The following SNTG2 variants were observed in gnomAD, a reference collection of about 807,000 sequenced individuals.
SNTG2 encodes the protein syntrophin gamma 2, also known as gamma-2-syntrophin.
SNTG2 carries 74 observed loss-of-function variants against 70.9 expected under a neutral mutation model. That is an observed-to-expected ratio of 1.04 (90% CI 0.86 to 1.27). The LOEUF (loss-of-function observed/expected upper bound fraction) is 1.27. Among genes scored for constraint, SNTG2 ranks in the 50% most tolerant of loss-of-function variants. SNTG2 has a pLI of 0.00. For synonymous variants in SNTG2, 278 were observed against 273.8 expected (o/e 1.02, Z -0.15); for missense variants, 717 against 690.7 (o/e 1.04, Z -0.43).
rs542160735 is a variant in SNTG2 at position 1,257,578 on chromosome 2, G to A, written c.1006-1792G>A. Reference sequence around the variant, plus strand: ...CAACAAAGAGCACAGCCCCCTCCAAGCTTTGTCTTAGAACATGACTCAAAT... The same window carrying A: ...CAACAAAGAGCACAGCCCCCTCCAAACTTTGTCTTAGAACATGACTCAAAT... On this transcript the variant is annotated intron_variant, in intron 12 of 16. Transcript: ENST00000308624. Among the ~76,000 whole-genome samples the A allele has an allele frequency of 6.6e-5, 10 of 152,314 alleles. No individual in the cohort carries two copies. In the East Asian group the frequency reaches 1.9e-3, roughly 29 times the overall value.
rs12990610 is a variant in SNTG2, at chr2:1,012,763, A to G, written c.72+61695A>G. The stretch of plus-strand genomic sequence containing the variant: ...GACAGAGAGAAGGGTGGTCTGGAGA[A>G]GGATTTATATGGGCAGAGAGAAGGG... On this transcript the variant is annotated intron_variant, in intron 1 of 16. Transcript: ENST00000308624. Among the ~76,000 whole-genome samples, 3 of 74,650 alleles carry G rather than the reference A, an allele frequency of 4.0e-5. 1 individual carries two copies. Among genetic ancestry groups the G allele is most frequent in the Non-Finnish European group, 6.0e-5 (2 of 33,220 alleles). 49.0% of individuals were successfully genotyped at this position (74,650 alleles called of 152,430 possible).
intron 1 of SNTG2, among the ~76,000 whole-genome samples, chr2:1,079,438 T>C (rs1664138814): frequency 6.6e-6 from 1 of 151,828 alleles, no homozygotes; most frequent in Admixed American, 6.6e-5. Context: ...TAATTACCTC[T>C]AATCTGGTTG....
At chr2:1,217,614 G>T (rs545117256) in intron 9 of SNTG2, among the ~76,000 whole-genome samples, 1 of 152,142 alleles carries the variant, frequency 6.6e-6, no homozygotes, top group African/African-American at 2.4e-5. Flanking sequence ...ATAACCATGC[G>T]ATCCTGACTA....
intron 8 of SNTG2, among the ~76,000 whole-genome samples, chr2:1,182,826 C>T (rs910106233): frequency 1.3e-5 from 2 of 152,198 alleles, no homozygotes; most frequent in African/African-American, 4.8e-5. Flanking sequence ...GATCTGGGCT[C>T]ACTGCAGCCT....
At chr2:1,137,589 C>T in intron 4 of SNTG2, 33 bp from the exon 5 acceptor site, 4 of 1,608,042 alleles carry the variant, frequency 2.5e-6, no homozygotes, top group Non-Finnish European at 3.4e-6. Flanking sequence ...TGAGATTTCT[C>T]TTAAAACTGT....
chr2:1,039,225 C>T (rs1196861525), intron 1 of SNTG2, among the ~76,000 whole-genome samples: 4 of 152,136 alleles, frequency 2.6e-5, no homozygotes, highest in Admixed American at 6.5e-5. Context: ...TGATAAATAA[C>T]AATTCCTTTA....
intron 11 of SNTG2, among the ~76,000 whole-genome samples, chr2:1,244,882 G>A (rs1054268586): frequency 7.9e-5 from 12 of 151,940 alleles, no homozygotes; most frequent in Non-Finnish European, 1.8e-4. Context: ...CAGCTGCTCC[G>A]AAGATTTAGA....
chr2:976,648 G>A (rs1049665524), intron 1 of SNTG2, among the ~76,000 whole-genome samples: 3 of 152,222 alleles, frequency 2.0e-5, no homozygotes, highest in Non-Finnish European at 1.5e-5. Context: ...CACCCATTTC[G>A]GAACACATCA....
Position 1,367,572 on chromosome 2 carries a change from C to G in SNTG2, c.*98C>G. 7.1e-7 allele frequency: 1 copy of G among 1,401,720 alleles called. No homozygotes were observed. Among genetic ancestry groups the G allele is most frequent in the Non-Finnish European group, 9.6e-7 (1 of 1,041,972 alleles). The allele number at this position is 1,401,720 out of a possible 1,614,324, so 86.8% of individuals were successfully genotyped here. A position where few individuals can be genotyped will look rare whatever the true frequency, so the allele number is the denominator to read the frequency against. On this transcript the variant is annotated 3_prime_UTR_variant, in exon 17 of 17. Coordinates refer to ENST00000308624, the MANE Select transcript of SNTG2 (RefSeq NM_018968.4). ...AACTTTGTGTTGTTTTATGATGAGCCTATAGTTGTGATACCAATAAAACAT... is the reference window on the plus strand; with the variant it reads ...AACTTTGTGTTGTTTTATGATGAGCGTATAGTTGTGATACCAATAAAACAT...
intron 2 of SNTG2, among the ~76,000 whole-genome samples, chr2:1,090,441 G>A (rs1664948650): frequency 6.6e-6 from 1 of 152,172 alleles, no homozygotes. Flanking sequence ...TTGCTTCCTT[G>A]GAGGAAAGAA....
At chr2:1,183,026 A>T (rs1156617118) in intron 8 of SNTG2, among the ~76,000 whole-genome samples, 6 of 152,206 alleles carry the variant, frequency 3.9e-5, no homozygotes, top group African/African-American at 1.4e-4. Flanking sequence ...AAATGCTGGA[A>T]TTACAGGCAT....
chr2:1,277,736 G>C (rs1225043555), intron 14 of SNTG2, among the ~76,000 whole-genome samples: 1 of 152,222 alleles, frequency 6.6e-6, no homozygotes, highest in Non-Finnish European at 1.5e-5. Flanking sequence ...TGCCAGGGAA[G>C]AGGCAGCTGG....
At chr2:1,207,619 AAAAT>A (rs1287250335) in intron 8 of SNTG2, among the ~76,000 whole-genome samples, 1 of 152,198 alleles carries the variant, frequency 6.6e-6, no homozygotes, top group African/African-American at 2.4e-5. Context: ...GCACAGACGA[AAAAT>A]AAATCACACA....
intron 1 of SNTG2, among the ~76,000 whole-genome samples, chr2:966,285 T>C (rs1265483768): frequency 6.6e-6 from 1 of 152,198 alleles, no homozygotes; most frequent in Non-Finnish European, 1.5e-5. Context: ...TTATATCTAT[T>C]AAGAGTACTT....
At chr2:990,766 G>C (rs4971355) in intron 1 of SNTG2, among the ~76,000 whole-genome samples, 68,722 of 151,678 alleles carry the variant, frequency 0.45, 16,103 homozygotes, top group Middle Eastern at 0.6. Context: ...TAAAATAAAT[G>C]CAATAAAATT....
At chr2:1,113,288 G>T (rs1367605547) in intron 4 of SNTG2, among the ~76,000 whole-genome samples, 2 of 150,098 alleles carry the variant, frequency 1.3e-5, no homozygotes, top group Non-Finnish European at 3.0e-5. Context: ...CTTTGAGAAG[G>T]ATCGTGTGTA....
intron 14 of SNTG2, among the ~76,000 whole-genome samples, chr2:1,308,008 G>A (rs1321925843): frequency 6.6e-6 from 1 of 152,198 alleles, no homozygotes; most frequent in East Asian, 1.9e-4. Context: ...GCAGTACTGC[G>A]CTGCTGCTTG....
intron 1 of SNTG2, among the ~76,000 whole-genome samples, chr2:960,592 G>A (rs1660313357): frequency 6.6e-6 from 1 of 151,086 alleles, no homozygotes; most frequent in Admixed American, 6.6e-5. Flanking sequence ...TGCTCCTACT[G>A]CCTGCTCATG....
chr2:1,358,187 A>C (rs1660954255), intron 16 of SNTG2, among the ~76,000 whole-genome samples: 1 of 152,054 alleles, frequency 6.6e-6, no homozygotes, highest in Non-Finnish European at 1.5e-5. Context: ...TTATCTCCCA[A>C]AGGTCTTACT....
Sources: gnomAD v4.1 joint callset for allele counts (sites outside exome capture counted in the v4.1 genomes callset) on GRCh38, gnomAD v4.1.1 for gene constraint, MANE v1.5 for transcripts, NCBI Gene and HGNC (gene_info 2026-07-23, HGNC 2026-07-21) for gene names.